The following PSTPIP1 variants were observed in gnomAD, a reference collection of about 807,000 sequenced individuals.
PSTPIP1 encodes the protein proline-serine-threonine phosphatase interacting protein 1.
Under a neutral mutation model 69.6 loss-of-function variants are expected in PSTPIP1, and 66 were observed. The observed-to-expected ratio is 0.95, with a 90% confidence interval of 0.78 to 1.16. PSTPIP1 has a LOEUF of 1.16. Among genes scored for constraint, PSTPIP1 ranks in the 50% most tolerant of loss-of-function variants. PSTPIP1 has a pLI of 0.00. For missense variants in PSTPIP1, 603 were observed against 557.4 expected, an observed-to-expected ratio of 1.08 and a Z score of -0.82; for synonymous variants, 266 against 222.7, an observed-to-expected ratio of 1.19 and a Z score of -1.73.
intron 1 of PSTPIP1, among the ~76,000 whole-genome samples, chr15:76,997,066 C>G (rs2075596007): frequency 6.6e-6 from 1 of 152,220 alleles, no homozygotes; most frequent in Admixed American, 6.5e-5. Context: ...GGGCAAGGAG[C>G]AGCCTCCATG....
intron 1 of PSTPIP1, among the ~76,000 whole-genome samples, chr15:76,998,251 G>A (rs2075622887): frequency 6.6e-6 from 1 of 152,094 alleles, no homozygotes; most frequent in African/African-American, 2.4e-5. Flanking sequence ...CCCTACTTTG[G>A]CTAAACTGGA....
intron 14 of PSTPIP1, among the ~76,000 whole-genome samples, chr15:77,036,216 C>G (rs370915799): frequency 1.5e-4 from 23 of 152,144 alleles, no homozygotes; most frequent in African/African-American, 5.1e-4. Context: ...CTGTGTCTGC[C>G]CGGGCCTGTA....
intron 7 of PSTPIP1, among the ~76,000 whole-genome samples, 193 bp downstream of exon 7, chr15:77,028,845 G>T (rs2076349163): frequency 6.6e-6 from 1 of 152,240 alleles, no homozygotes; most frequent in Admixed American, 6.5e-5. Flanking sequence ...AGGCAGGTCA[G>T]CTGGATCCCC....
intron 3 of PSTPIP1, among the ~76,000 whole-genome samples, chr15:77,021,186 C>A (rs1158441609): frequency 6.6e-6 from 1 of 152,236 alleles, no homozygotes; most frequent in Non-Finnish European, 1.5e-5. Flanking sequence ...CTGCAGTCCC[C>A]TGACCTCAAA....
intron 1 of PSTPIP1, among the ~76,000 whole-genome samples, chr15:77,013,976 G>C (rs2075997926): frequency 6.6e-6 from 1 of 152,202 alleles, no homozygotes; most frequent in Non-Finnish European, 1.5e-5. Context: ...CCTGGCCCCA[G>C]CTGAGGGAAG....
chr15:77,025,973 A>C (rs1394682248), intron 5 of PSTPIP1: 1 of 421,510 alleles, frequency 2.4e-6, no homozygotes, highest in African/African-American at 2.0e-5. Flanking sequence ...TCCAAGGATC[A>C]GGGCTGATTG....
chr15:77,031,088 TG>T, intron 9 of PSTPIP1, 91 bp from the exon 10 acceptor site: 1 of 1,269,794 alleles, frequency 7.9e-7, no homozygotes, highest in Non-Finnish European at 1.1e-6. Flanking sequence ...AGGGCTGGCC[TG>T]GTCAGCTCCG....
At chr15:76,996,921 T>C (rs1300264482) in intron 1 of PSTPIP1, among the ~76,000 whole-genome samples, 1 of 151,916 alleles carries the variant, frequency 6.6e-6, no homozygotes, top group Non-Finnish European at 1.5e-5. Context: ...GTGTGCAAAG[T>C]TGGGGGAAGG....
chr15:77,009,118 A>G (rs1231513676), intron 1 of PSTPIP1, among the ~76,000 whole-genome samples: 1 of 152,168 alleles, frequency 6.6e-6, no homozygotes, highest in Non-Finnish European at 1.5e-5. Flanking sequence ...GGAGACATGC[A>G]GGTTAATGGC....
At position 77,025,619 on chromosome 15, in the gene PSTPIP1, G is replaced by A. The variant is rs1219384863; in HGVS notation, c.354+15G>A. ...AGAGGAAGAAGGTGAGGCAGGTGCA[G>A]GGGGCGGGGGAGCTGCTCCCCCATT... On this transcript the variant is annotated intron_variant, in intron 5 of 14. Transcript: ENST00000558012. The A allele has an allele frequency of 6.5e-7, 1 of 1,532,270 alleles. No homozygotes were observed. Among genetic ancestry groups the A allele is most frequent in the African/African-American group, 1.4e-5 (1 of 72,702 alleles). The allele number at this position is 1,532,270 out of a possible 1,614,324, so 94.9% of individuals were successfully genotyped here. A position where few individuals can be genotyped will look rare whatever the true frequency, so the allele number is the denominator to read the frequency against.
chr15:77,034,823 G>GCATCTGCCT (rs1398483395), intron 12 of PSTPIP1, among the ~76,000 whole-genome samples: 2 of 152,254 alleles, frequency 1.3e-5, no homozygotes, highest in Admixed American at 1.3e-4. Flanking sequence ...AGCATCTGCC[G>GCATCTGCCT]CATCTGCCTC....
rs968608392 is a variant in PSTPIP1 at position 76,998,328 on chromosome 15, G to A, written c.36+2719G>A. 3.3e-5 allele frequency among the ~76,000 whole-genome samples: 5 copies of A among 152,334 alleles called. No homozygotes were observed. In the South Asian group the frequency reaches 1.0e-3, roughly 32 times the overall value. On this transcript the variant is annotated intron_variant, in intron 1 of 14. Transcript: ENST00000558012. ...CCTCACCCATACAGAACACGGGGCGGAGGAGGGGAGCCAGCCCTGCTGTTT... is the reference window on the plus strand; with the variant it reads ...CCTCACCCATACAGAACACGGGGCGAAGGAGGGGAGCCAGCCCTGCTGTTT...
chr15:77,032,154 C>A, intron 10 of PSTPIP1, 144 bp from the exon 11 acceptor site: 1 of 723,608 alleles, frequency 1.4e-6, no homozygotes, highest in South Asian at 1.8e-5. Context: ...TCAGCCAGGG[C>A]CGTGACCCCT....
Position 77,017,364 on chromosome 15 carries a change from C to CCAGGGCAAG in PSTPIP1, c.37-774_37-766dup, listed in dbSNP as rs1169134120. Among the ~76,000 whole-genome samples, 8 of 152,314 alleles carry CCAGGGCAAG rather than the reference C, an allele frequency of 5.3e-5. No individual in the cohort carries two copies. In the East Asian group the frequency reaches 7.7e-4, roughly 15 times the overall value. On this transcript the variant is annotated intron_variant, in intron 1 of 14. Coordinates refer to ENST00000558012, the MANE Select transcript of PSTPIP1 (RefSeq NM_003978.5). ...GAATTGGGTTGGCCAGGAACAACAG[C>CCAGGGCAAG]CAGGGCAAGCAGGGCAAGTGCCAGG...
rs1298536028 is a variant in PSTPIP1 at position 77,007,715 on chromosome 15, C to A, written c.37-10433C>A. 7 of 344,452 alleles carry A rather than the reference C, an allele frequency of 2.0e-5. No individual in the cohort carries two copies. In the East Asian group the frequency reaches 5.0e-4, roughly 25 times the overall value. 21.3% of individuals were successfully genotyped at this position (344,452 alleles called of 1,614,324 possible). A position where few individuals can be genotyped will look rare whatever the true frequency, so the allele number is the denominator to read the frequency against. ...GTTCACGCCATTCTCCTGCCTCAGC[C>A]TCCCGAGTAGCTGGGACTACAGGCA... On this transcript the variant is annotated intron_variant, in intron 1 of 14. Coordinates refer to ENST00000558012, the MANE Select transcript of PSTPIP1 (RefSeq NM_003978.5).
chr15:77,033,696 G>A (rs2076477477), intron 12 of PSTPIP1, among the ~76,000 whole-genome samples: 1 of 152,234 alleles, frequency 6.6e-6, no homozygotes, highest in East Asian at 1.9e-4. Context: ...AGTGGACTGT[G>A]GGGAGAGGCT....
intron 11 of PSTPIP1, 112 bp from the exon 12 acceptor site, chr15:77,032,750 G>A: frequency 1.1e-6 from 1 of 895,328 alleles, no homozygotes. Context: ...CACCTCCTCA[G>A]GCACCAGGAT....
Position 76,995,181 on chromosome 15 carries a change from C to G in PSTPIP1, c.-393C>G. On this transcript the variant is annotated 5_prime_UTR_variant, in exon 1 of 15. Coordinates refer to ENST00000558012, the MANE Select transcript of PSTPIP1 (RefSeq NM_003978.5). The stretch of plus-strand genomic sequence containing the variant: ...GCCTGCCTGCCTGCCTGGCCCGGCC[C>G]GAGCTCCAGCCTGCCTCTTCCACTG... 1 of 1,195,290 alleles carries G rather than the reference C, an allele frequency of 8.4e-7. No individual in the cohort carries two copies. Among genetic ancestry groups the G allele is most frequent in the Non-Finnish European group, 1.1e-6 (1 of 950,102 alleles). The allele number at this position is 1,195,290 out of a possible 1,614,324, so 74.0% of individuals were successfully genotyped here.
chr15:77,032,708 T>C, intron 11 of PSTPIP1, 154 bp from the exon 12 acceptor site: 1 of 664,514 alleles, frequency 1.5e-6, no homozygotes, highest in Non-Finnish European at 2.6e-6. Flanking sequence ...TGATGGTACC[T>C]ACGGTGGGGT....
Sources: allele counts gnomAD v4.1 joint callset (sites outside exome capture counted in the v4.1 genomes callset), GRCh38; gene constraint gnomAD v4.1.1; transcripts MANE v1.5; gene names NCBI Gene and HGNC (gene_info 2026-07-23, HGNC 2026-07-21).